Variants in MTA3 observed in about 807,000 individuals in gnomAD.
MTA3 encodes metastasis-associated protein MTA3.
Under a neutral mutation model 83.5 loss-of-function variants are expected in MTA3, and 34 were observed. The observed-to-expected ratio is 0.41, with a 90% CI of 0.31 to 0.54. MTA3 has a LOEUF of 0.54. Among genes scored for constraint, MTA3 ranks in the 20% least tolerant of loss-of-function variants. The pLI, the probability that MTA3 is intolerant of heterozygous loss-of-function variation, is 0.33. For missense variants in MTA3, 761 were observed against 726.4 expected (o/e 1.05, Z -0.55); for synonymous variants, 303 against 252.7 (o/e 1.20, Z -1.89).
rs185956702 is a variant in MTA3 at position 42,601,143 on chromosome 2, G to T, written c.191-8315G>T. On this transcript the variant is annotated intron_variant, in intron 3 of 16. Transcript: ENST00000405094. Reference sequence around the variant, plus strand: ...GATGGTCTCCATCTCTTGATCTCACGATCTACCCGCCTTGGCCTCCCAAAG... The same window carrying T: ...GATGGTCTCCATCTCTTGATCTCACTATCTACCCGCCTTGGCCTCCCAAAG... Among the ~76,000 whole-genome samples the T allele has an allele frequency of 2.0e-5, 3 of 152,140 alleles. No individual in the cohort carries two copies. In the South Asian group the frequency reaches 6.2e-4, roughly 32 times the overall value.
At chr2:42,749,283 C>T (rs550601771) in intron 16 of MTA3, among the ~76,000 whole-genome samples, 1 of 152,276 alleles carries the variant, frequency 6.6e-6, no homozygotes, top group African/African-American at 2.4e-5. Flanking sequence ...AGCTTTCTGC[C>T]TGAGCTATAT....
chr2:42,568,580 T>C (rs1302228725), upstream of MTA3: 4 of 135,384 alleles, frequency 3.0e-5, no homozygotes, highest in Admixed American at 7.5e-5. Flanking sequence ...CGGCGTACCA[T>C]CCCCTTTACT....
At chr2:42,560,047 ATTT>A (rs906097452) in intron 2 of MTA3, among the ~76,000 whole-genome samples, 2 of 151,694 alleles carry the variant, frequency 1.3e-5, no homozygotes, top group Non-Finnish European at 2.9e-5. Context: ...AGTCCAAGTG[ATTT>A]TTTTTATTTT....
chr2:42,617,624 A>G (rs1685057330), intron 4 of MTA3, among the ~76,000 whole-genome samples: 1 of 151,922 alleles, frequency 6.6e-6, no homozygotes, highest in South Asian at 2.1e-4. Context: ...TAAAAATACA[A>G]AATTAGCCGG....
At chr2:42,560,582 AAAC>A (rs1176649389) in intron 2 of MTA3, among the ~76,000 whole-genome samples, 1 of 150,916 alleles carries the variant, frequency 6.6e-6, no homozygotes, top group African/African-American at 2.4e-5. Context: ...ACAAAACAAA[AAAC>A]AAACAAAACA....
chr2:42,627,583 A>C (rs555849029), intron 4 of MTA3, among the ~76,000 whole-genome samples: 1 of 151,792 alleles, frequency 6.6e-6, no homozygotes, highest in African/African-American at 2.4e-5. Flanking sequence ...TTTAAATTTG[A>C]AACGGAGTCT....
intron 14 of MTA3, 183 bp downstream of exon 14, chr2:42,709,279 GA>G (rs11397049): frequency 9.4e-5 from 121 of 1,281,388 alleles, no homozygotes; most frequent in Admixed American, 5.7e-4. Context: ...TGCCAACCTG[GA>G]AAAAAAAAAT....
intron 6 of MTA3, among the ~76,000 whole-genome samples, chr2:42,645,685 C>T (rs191987120): frequency 6.6e-6 from 1 of 152,140 alleles, no homozygotes; most frequent in African/African-American, 2.4e-5. Flanking sequence ...TAAGTCTCTT[C>T]AATTCTGTGA....
intron 16 of MTA3, among the ~76,000 whole-genome samples, chr2:42,742,217 C>T (rs1178652435): frequency 6.6e-6 from 1 of 151,720 alleles, no homozygotes; most frequent in African/African-American, 2.4e-5. Context: ...CAGCTCACTG[C>T]AACCTCTGCC....
chr2:42,557,382 T>A (rs1677448785), intron 2 of MTA3, among the ~76,000 whole-genome samples: 1 of 150,780 alleles, frequency 6.6e-6, no homozygotes, highest in African/African-American at 2.4e-5. Flanking sequence ...GGTGGGGGAG[T>A]CAGGGCTTCC....
intron 16 of MTA3, among the ~76,000 whole-genome samples, chr2:42,748,242 T>TGTGTGTGTGTG (rs1553402303): frequency 6.7e-5 from 10 of 150,128 alleles, no homozygotes; most frequent in South Asian, 2.1e-4. Context: ...TGTGTGTGTG[T>TGTGTGTGTGTG]TTTAGTAGAG....
intron 16 of MTA3, among the ~76,000 whole-genome samples, chr2:42,731,822 C>A (rs1356400707): frequency 6.6e-6 from 1 of 152,162 alleles, no homozygotes; most frequent in African/African-American, 2.4e-5. Context: ...AGTCCCTTCT[C>A]CCTATGAGTC....
intron 2 of MTA3, among the ~76,000 whole-genome samples, chr2:42,541,107 C>A (rs556783390): frequency 5.1e-4 from 77 of 151,222 alleles, no homozygotes; most frequent in Non-Finnish European, 5.9e-4. Flanking sequence ...TCTCAGCTCA[C>A]CGCAACCTCC....
chr2:42,701,739 A>T (rs1573677991), intron 11 of MTA3, among the ~76,000 whole-genome samples: 1 of 151,444 alleles, frequency 6.6e-6, no homozygotes, highest in East Asian at 1.9e-4. Flanking sequence ...AACATGGTGA[A>T]ACCCCGTCTC....
chr2:42,694,440 T>C (rs1278287466), intron 9 of MTA3, among the ~76,000 whole-genome samples: 1 of 152,210 alleles, frequency 6.6e-6, no homozygotes, highest in Non-Finnish European at 1.5e-5. Flanking sequence ...TTCCAACCGA[T>C]AGGATAGGTG....
At chr2:42,530,292 G>C (rs549713768) in intron 2 of MTA3, among the ~76,000 whole-genome samples, 3 of 151,190 alleles carry the variant, frequency 2.0e-5, no homozygotes, top group East Asian at 3.9e-4. Flanking sequence ...GATTGAGACC[G>C]TCCTGGCTAA....
intron 9 of MTA3, among the ~76,000 whole-genome samples, chr2:42,685,701 C>T (rs1356783897): frequency 6.6e-6 from 1 of 152,126 alleles, no homozygotes; most frequent in African/African-American, 2.4e-5. Flanking sequence ...AAGGGCCAGT[C>T]CATATTAGAT....
At chr2:42,741,000 A>G (rs756090023) in intron 16 of MTA3, among the ~76,000 whole-genome samples, 17 of 152,276 alleles carry the variant, frequency 1.1e-4, no homozygotes, top group Admixed American at 2.6e-4. Context: ...TGTTTTGTCT[A>G]CATTGAAAAT....
chr2:42,582,057 A>T (rs1351522171), intron 3 of MTA3: 1 of 145,104 alleles, frequency 6.9e-6, no homozygotes, highest in Non-Finnish European at 1.5e-5. Context: ...GCAATATGAG[A>T]TATTTTATCT....
Sources: gnomAD v4.1 joint callset for allele counts (sites outside exome capture counted in the v4.1 genomes callset) on GRCh38, gnomAD v4.1.1 for gene constraint, MANE v1.5 for transcripts, NCBI Gene and HGNC (gene_info 2026-07-23, HGNC 2026-07-21) for gene names.